SOBP: variants seen among roughly 807,000 people sequenced by gnomAD.
SOBP encodes the protein sine oculis binding protein homolog, also known as sine oculis-binding protein homolog.
In SOBP, 4 loss-of-function variants were observed where a neutral mutation model predicts 53.6. The ratio of observed to expected loss-of-function variants is 0.07; its 90% CI spans 0.04 to 0.17. The LOEUF is 0.17. Among genes scored for constraint, SOBP ranks in the 10% least tolerant of loss-of-function variants. The pLI is 1.00. For missense variants in SOBP, 1,088 were observed against 1,204.7 expected (o/e 0.90, Z 1.43); for synonymous variants, 584 against 522.6 (o/e 1.12, Z -1.60).
At chr6:107,649,864 AG>A (rs1289870931) in intron 6 of SOBP, among the ~76,000 whole-genome samples, 8 of 152,138 alleles carry the variant, frequency 5.3e-5, no homozygotes, top group Admixed American at 4.6e-4. Context: ...GTGCACAAGA[AG>A]GGGCTCCGTA....
At chr6:107,493,322 A>G (rs1782622808) in intron 1 of SOBP, among the ~76,000 whole-genome samples, 1 of 152,220 alleles carries the variant, frequency 6.6e-6, no homozygotes, top group Admixed American at 6.5e-5. Context: ...ACTGCCCGGC[A>G]GAAAGAAAGG....
rs117151900 is a variant in SOBP at position 107,642,007 on chromosome 6, A to T, written c.*3+6538A>T. Among the ~76,000 whole-genome samples the T allele has an allele frequency of 4.3e-4, 66 of 152,288 alleles. 1 individual carries two copies. In the East Asian group the frequency reaches 0.011, roughly 25 times the overall value. ...TAAGTGCATAGCACTTTCTATGTGGATGGATGTTAAGGCAATGCATTCTGC... is the reference window on the plus strand; with the variant it reads ...TAAGTGCATAGCACTTTCTATGTGGTTGGATGTTAAGGCAATGCATTCTGC... On this transcript the variant is annotated intron_variant, in intron 6 of 6. Coordinates refer to ENST00000317357, the MANE Select transcript of SOBP (RefSeq NM_018013.4).
intron 6 of SOBP, among the ~76,000 whole-genome samples, chr6:107,649,058 A>C (rs954746561): frequency 3.3e-5 from 5 of 150,272 alleles, no homozygotes; most frequent in Admixed American, 2.0e-4. Flanking sequence ...AGACCCAGCT[A>C]CTCAGGAGGC....
intron 4 of SOBP, among the ~76,000 whole-genome samples, chr6:107,549,202 GC>G (rs1287887562): frequency 1.3e-5 from 2 of 152,056 alleles, no homozygotes; most frequent in African/African-American, 2.4e-5. Context: ...GGGAGGCGGA[GC>G]TTGCAGGGAG....
rs990089593 is a variant in SOBP at position 107,503,511 on chromosome 6, C to T, written c.97-146C>T. 3 of 821,992 alleles carry T rather than the reference C, an allele frequency of 3.6e-6. No homozygotes were observed. In the African/African-American group the frequency reaches 5.1e-5, roughly 14 times the overall value. 50.9% of individuals were successfully genotyped at this position (821,992 alleles called of 1,614,324 possible). ...GATTTAAAAACATTATGGTTTTGAACATGATTTGAAAAATGAACACCACAC... is the reference window on the plus strand; with the variant it reads ...GATTTAAAAACATTATGGTTTTGAATATGATTTGAAAAATGAACACCACAC... On this transcript the variant is annotated intron_variant, in intron 1 of 6. Transcript: ENST00000317357.
chr6:107,647,149 C>G (rs1045299423), intron 6 of SOBP, among the ~76,000 whole-genome samples: 2 of 152,154 alleles, frequency 1.3e-5, no homozygotes, highest in African/African-American at 4.8e-5. Flanking sequence ...TGCATTTTCT[C>G]ATTAAATAAT....
rs184190768 is a variant in SOBP, at chr6:107,580,652, T to C, written c.574-6428T>C. ...TTAATCTAATCAAGGAATGGACTTTTGAGGATGAGAATTTGTTGGGCAAAG... is the reference window on the plus strand; with the variant it reads ...TTAATCTAATCAAGGAATGGACTTTCGAGGATGAGAATTTGTTGGGCAAAG... On this transcript the variant is annotated intron_variant, in intron 4 of 6. Coordinates refer to ENST00000317357, the MANE Select transcript of SOBP (RefSeq NM_018013.4). Among the ~76,000 whole-genome samples, 4 of 152,252 alleles carry C rather than the reference T, an allele frequency of 2.6e-5. No individual in the cohort carries two copies. The East Asian group carries it at 7.7e-4, about 29-fold the overall frequency.
At chr6:107,532,261 ACAC>A (rs1783849117) in intron 3 of SOBP, among the ~76,000 whole-genome samples, 4 of 150,764 alleles carry the variant, frequency 2.7e-5, no homozygotes, top group African/African-American at 9.9e-5. Context: ...ACACACACAC[ACAC>A]ACACACACCA....
chr6:107,605,318 A>G (rs1362848514), intron 5 of SOBP, among the ~76,000 whole-genome samples: 1 of 152,244 alleles, frequency 6.6e-6, no homozygotes, highest in East Asian at 1.9e-4. Context: ...TGGGGCTAGC[A>G]AACTGAAGTG....
intron 6 of SOBP, among the ~76,000 whole-genome samples, chr6:107,640,680 G>A (rs1771267290): frequency 6.6e-6 from 1 of 152,190 alleles, no homozygotes; most frequent in African/African-American, 2.4e-5. Flanking sequence ...TGGAGGGAAG[G>A]TTTTAATGTA....
intron 1 of SOBP, among the ~76,000 whole-genome samples, chr6:107,492,154 C>T (rs1279606548): frequency 6.6e-6 from 1 of 152,140 alleles, no homozygotes; most frequent in Non-Finnish European, 1.5e-5. Flanking sequence ...ACTGTTGATT[C>T]CAATGATGGA....
rs7739223 is a variant in SOBP at position 107,618,119 on chromosome 6, G to A, written c.670-15395G>A. 8.0e-3 allele frequency among the ~76,000 whole-genome samples: 1,225 copies of A among 152,200 alleles called. 19 individuals carry two copies. The highest frequency in any genetic ancestry group is 0.055 in the East Asian group (282 of 5,168). ...ACTGGGATTACAGGTGTGAGCCACC[G>A]TGCGCGGCCCGTATGCCTTCTTATT... On this transcript the variant is annotated intron_variant, in intron 5 of 6. Transcript: ENST00000317357.
intron 3 of SOBP, 27 bp downstream of exon 3, chr6:107,506,454 A>T: frequency 1.2e-6 from 2 of 1,611,448 alleles, no homozygotes; most frequent in Non-Finnish European, 1.7e-6. Context: ...GTTTTCAGTG[A>T]TAACAATTCA....
At chr6:107,518,748 CTG>C (rs1482196262) in intron 3 of SOBP, among the ~76,000 whole-genome samples, 1 of 85,084 alleles carries the variant, frequency 1.2e-5, no homozygotes, top group African/African-American at 4.3e-5. Flanking sequence ...TTAGGAAAGG[CTG>C]TTTTTTTTTT....
At chr6:107,503,220 C>T (rs1204073110) in intron 1 of SOBP, among the ~76,000 whole-genome samples, 1 of 152,214 alleles carries the variant, frequency 6.6e-6, no homozygotes, top group Non-Finnish European at 1.5e-5. Context: ...AAGAAAACAA[C>T]ACCTAAATCA....
At chr6:107,632,494 GAC>G (rs1176139662) in intron 5 of SOBP, among the ~76,000 whole-genome samples, 1 of 152,208 alleles carries the variant, frequency 6.6e-6, no homozygotes, top group African/African-American at 2.4e-5. Context: ...ATGAAGGAAA[GAC>G]ATTTGTGCAA....
intron 1 of SOBP, among the ~76,000 whole-genome samples, chr6:107,496,624 A>C (rs1285068979): frequency 6.6e-6 from 1 of 152,208 alleles, no homozygotes; most frequent in African/African-American, 2.4e-5. Flanking sequence ...AATGGAGCAT[A>C]GGAACCATCT....
At position 107,555,853 on chromosome 6, in the gene SOBP, C is replaced by T. The variant is rs184488601; in HGVS notation, c.573+22243C>T. On this transcript the variant is annotated intron_variant, in intron 4 of 6. Transcript: ENST00000317357. ...TAGAATTGTCTTCTTACCAAGAAAG[C>T]GGGTTCTCCTGATTTGCTTTTGTCT... Among the ~76,000 whole-genome samples, 32 of 152,320 alleles carry T rather than the reference C, an allele frequency of 2.1e-4. No individual in the cohort carries two copies. In the East Asian group the frequency reaches 3.1e-3, roughly 15 times the overall value.
intron 3 of SOBP, among the ~76,000 whole-genome samples, chr6:107,525,382 C>T (rs919840818): frequency 6.6e-6 from 1 of 152,194 alleles, no homozygotes; most frequent in Admixed American, 6.5e-5. Context: ...CCAAGCTCAG[C>T]ATGGTATTCA....
Sources: gnomAD v4.1 joint callset for allele counts (sites outside exome capture counted in the v4.1 genomes callset) on GRCh38, gnomAD v4.1.1 for gene constraint, MANE v1.5 for transcripts, NCBI Gene and HGNC (gene_info 2026-07-23, HGNC 2026-07-21) for gene names.